Variants in GATAD2B observed in about 807,000 individuals in gnomAD.
The protein encoded by GATAD2B is transcriptional repressor p66-beta.
GATAD2B carries 8 observed loss-of-function variants against 64.3 expected under a neutral mutation model. The ratio of observed to expected loss-of-function variants is 0.12; its 90% CI spans 0.07 to 0.22. GATAD2B has a LOEUF of 0.22. Ranked by LOEUF, GATAD2B falls within the 10% of genes least tolerant of loss-of-function variation. GATAD2B has a pLI of 1.00. For missense variants in GATAD2B, 453 were observed against 752.0 expected (o/e 0.60, Z 4.65); for synonymous variants, 281 against 271.3 (o/e 1.04, Z -0.35).
chr1:153,849,225 C>T (rs1675801468), intron 1 of GATAD2B, among the ~76,000 whole-genome samples: 1 of 152,196 alleles, frequency 6.6e-6, no homozygotes. Flanking sequence ...GGAAGCCTAA[C>T]ATCAAGGTAC....
At position 153,813,328 on chromosome 1, in the gene GATAD2B, G is replaced by C; in HGVS notation, c.1341C>G (p.Ser447=). Residue 447 remains serine, a synonymous_variant, in exon 8 of 11, where the codon TCC becomes TCG. Coordinates refer to ENST00000368655, the MANE Select transcript of GATAD2B (RefSeq NM_020699.4). ...GKILCEQCMT[S]NQKKALKAEH... is the part of the protein sequence containing the mutation. ...CAGCTTTTAGAGCCTTTTTCTGGTT[G>C]GAGGTCATACACTGCTCACATAGAA... 1 of 1,614,054 alleles carries C rather than the reference G, an allele frequency of 6.2e-7. No individual in the cohort carries two copies.
intron 1 of GATAD2B, among the ~76,000 whole-genome samples, chr1:153,854,883 G>C (rs977287147): frequency 6.6e-6 from 1 of 152,106 alleles, no homozygotes; most frequent in South Asian, 2.1e-4. Flanking sequence ...AATTAACATG[G>C]AAACAATCTG....
intron 1 of GATAD2B, among the ~76,000 whole-genome samples, chr1:153,895,040 C>G (rs1412360709): frequency 6.6e-6 from 1 of 152,188 alleles, no homozygotes; most frequent in Non-Finnish European, 1.5e-5. Flanking sequence ...TGCCTGTAAT[C>G]CCAGCTACTT....
intron 2 of GATAD2B, among the ~76,000 whole-genome samples, chr1:153,826,570 G>A (rs898039302): frequency 6.6e-6 from 1 of 152,060 alleles, no homozygotes. Context: ...GGTGGAGGGT[G>A]CAGTGAGCCT....
At position 153,819,532 on chromosome 1, in the gene GATAD2B, A is replaced by G. The variant is rs887855468; in HGVS notation, c.465+74T>C. ...CAAAGAGTAAATAGTCAAAAAACAG[A>G]ACTAAATCTCTTGAGGAATTAAATA... is the stretch of plus-strand genomic sequence containing the variant. On this transcript the variant is annotated intron_variant, in intron 3 of 10. Transcript: ENST00000368655. 95 of 1,087,210 alleles carry G rather than the reference A, an allele frequency of 8.7e-5. 1 individual carries two copies. Among genetic ancestry groups the G allele is most frequent in the Non-Finnish European group, 2.5e-5 (19 of 750,088 alleles). The allele number at this position is 1,087,210 out of a possible 1,614,324, so 67.3% of individuals were successfully genotyped here. A position where few individuals can be genotyped will look rare whatever the true frequency, so the allele number is the denominator to read the frequency against.
At chr1:153,861,149 G>T (rs1026843889) in intron 1 of GATAD2B, among the ~76,000 whole-genome samples, 2 of 152,130 alleles carry the variant, frequency 1.3e-5, no homozygotes, top group African/African-American at 2.4e-5. Context: ...AACAGAAACG[G>T]ATCCATATAC....
intron 1 of GATAD2B, among the ~76,000 whole-genome samples, chr1:153,857,063 T>A (rs780971080): frequency 6.6e-6 from 1 of 151,928 alleles, no homozygotes; most frequent in Non-Finnish European, 1.5e-5. Context: ...GTCTTCCTTT[T>A]GTATGTAAAA....
chr1:153,805,988 C>T lies in GATAD2B; in HGVS notation c.*4189G>A, dbSNP rs922357306. 3 of 152,142 alleles carry T rather than the reference C, an allele frequency of 2.0e-5. No individual in the cohort carries two copies. Among genetic ancestry groups the T allele is most frequent in the Non-Finnish European group, 2.9e-5 (2 of 68,030 alleles). The allele number at this position is 152,142 out of a possible 1,614,324, so 9.4% of individuals were successfully genotyped here. A position where few individuals can be genotyped will look rare whatever the true frequency, so the allele number is the denominator to read the frequency against. On this transcript the variant is annotated 3_prime_UTR_variant, in exon 11 of 11. Transcript: ENST00000368655. ...TTTCCTCAGGATGACTTATTAAAAT[C>T]CTTTCTATCATCCCCTGACAATCCA... is the stretch of plus-strand genomic sequence containing the variant.
chr1:153,811,877 A>G, intron 9 of GATAD2B, 29 bp from the exon 10 acceptor site: 1 of 1,456,832 alleles, frequency 6.9e-7, no homozygotes. Context: ...AGTGGATACA[A>G]CTTTGATATG....
At chr1:153,844,589 A>T (rs1022005625) in intron 1 of GATAD2B, among the ~76,000 whole-genome samples, 1 of 152,104 alleles carries the variant, frequency 6.6e-6, no homozygotes, top group African/African-American at 2.4e-5. Context: ...GCCATAAAAA[A>T]TGATGAGTTC....
intron 1 of GATAD2B, among the ~76,000 whole-genome samples, chr1:153,831,153 A>T (rs1036211540): frequency 1.4e-4 from 22 of 152,334 alleles, no homozygotes; most frequent in Middle Eastern, 3.4e-3. Flanking sequence ...TTTAGCAGCC[A>T]TAAAAAAAGA....
At chr1:153,852,329 C>T in intron 1 of GATAD2B, 1 of 963,116 alleles carries the variant, frequency 1.0e-6, no homozygotes. Flanking sequence ...TCAAAGGAGG[C>T]AGCATTGCAG....
intron 1 of GATAD2B, among the ~76,000 whole-genome samples, chr1:153,913,917 CA>C (rs529962637): frequency 1.9e-3 from 191 of 100,072 alleles, no homozygotes; most frequent in Middle Eastern, 6.3e-3. Flanking sequence ...AAGACTCTGT[CA>C]AAAAAAAAAA....
chr1:153,891,128 G>C (rs1209037418), intron 1 of GATAD2B, among the ~76,000 whole-genome samples: 2 of 151,910 alleles, frequency 1.3e-5, no homozygotes. Context: ...AGTTTGCAGT[G>C]AGCTGAGATC....
At chr1:153,819,493 T>C (rs1276247567) in intron 3 of GATAD2B, 113 bp downstream of exon 3, 2 of 724,468 alleles carry the variant, frequency 2.8e-6, no homozygotes, top group Non-Finnish European at 4.5e-6. Flanking sequence ...TTTTCATCAA[T>C]GGGTATTTAT....
intron 1 of GATAD2B, among the ~76,000 whole-genome samples, chr1:153,862,470 A>C (rs1676339955): frequency 6.6e-6 from 1 of 152,062 alleles, no homozygotes; most frequent in Non-Finnish European, 1.5e-5. Context: ...CCCTATAAAG[A>C]TGAGCAAAGC....
chr1:153,849,611 C>T (rs1016041579), intron 1 of GATAD2B, among the ~76,000 whole-genome samples: 1 of 152,108 alleles, frequency 6.6e-6, no homozygotes, highest in Non-Finnish European at 1.5e-5. Context: ...GCATTACCTT[C>T]CAAATATATT....
In GATAD2B at chr1:153,817,559, G is replaced by T; in HGVS notation, c.730-17C>A. ...ACTGTGACCCTGGAGGGGAAGAAGA[G>T]GAAAAGAACTAATCACAGGTTGTAC... On this transcript the variant is annotated splice_polypyrimidine_tract_variant and intron_variant, in intron 5 of 10. Transcript: ENST00000368655. The T allele has an allele frequency of 6.4e-7, 1 of 1,566,090 alleles. No homozygotes were observed. The highest frequency in any genetic ancestry group is 1.4e-5 in the African/African-American group (1 of 73,498).
intron 1 of GATAD2B, among the ~76,000 whole-genome samples, chr1:153,909,863 G>A (rs1488110375): frequency 1.3e-5 from 2 of 150,778 alleles, no homozygotes; most frequent in South Asian, 2.1e-4. Flanking sequence ...CAGGAGAATC[G>A]CCTGAACCTG....
Sources: gnomAD v4.1 joint callset for allele counts (sites outside exome capture counted in the v4.1 genomes callset) on GRCh38, gnomAD v4.1.1 for gene constraint, MANE v1.5 for transcripts, NCBI Gene and HGNC (gene_info 2026-07-23, HGNC 2026-07-21) for gene names.